MYO5B: variants seen among roughly 807,000 people sequenced by gnomAD.
The protein encoded by MYO5B is myosin VB, also known as unconventional myosin-Vb.
In MYO5B, 143 loss-of-function variants were observed where a neutral mutation model predicts 229.3. The ratio of observed to expected loss-of-function variants is 0.62; its 90% CI spans 0.54 to 0.72. The LOEUF is 0.72. Among genes scored for constraint, MYO5B ranks in the 30% least tolerant of loss-of-function variants. The pLI, the probability that MYO5B is intolerant of heterozygous loss-of-function variation, is 0.00. For synonymous variants in MYO5B, 918 were observed against 885.2 expected, an observed-to-expected ratio of 1.04 and a Z score of -0.66; for missense variants, 2,321 against 2,331.0, an observed-to-expected ratio of 1.00 and a Z score of 0.09.
intron 1 of MYO5B, among the ~76,000 whole-genome samples, chr18:50,159,252 T>C (rs2032727258): frequency 6.6e-6 from 1 of 152,122 alleles, no homozygotes; most frequent in Non-Finnish European, 1.5e-5. Context: ...AAGCAACTGA[T>C]TTACGCCCCC....
chr18:49,965,447 A>T (rs1331593784), intron 10 of MYO5B, among the ~76,000 whole-genome samples: 1 of 103,126 alleles, frequency 9.7e-6, no homozygotes. Flanking sequence ...ATACAAACAC[A>T]CTTCTTTTCA....
chr18:49,832,615 G>A (rs1305804152), intron 39 of MYO5B, among the ~76,000 whole-genome samples: 5 of 152,152 alleles, frequency 3.3e-5, no homozygotes, highest in Non-Finnish European at 5.9e-5. Context: ...ACTGTAAGAT[G>A]GCTCTATAGT....
intron 22 of MYO5B, 77 bp downstream of exon 22, chr18:49,894,864 G>A: frequency 8.0e-7 from 1 of 1,242,716 alleles, no homozygotes; most frequent in South Asian, 1.2e-5. Flanking sequence ...ACTTGAAGCA[G>A]CAGTGCTCTC....
chr18:50,123,740 G>C (rs1322289931), intron 1 of MYO5B, among the ~76,000 whole-genome samples: 1 of 152,034 alleles, frequency 6.6e-6, no homozygotes, highest in African/African-American at 2.4e-5. Context: ...GATGATAAAA[G>C]GTTTTCCACT....
rs1157314928 is a variant in MYO5B, at chr18:50,115,545, GAGACACACACACAC to G, written c.28-60181_28-60168del. Among the ~76,000 whole-genome samples the G allele has an allele frequency of 1.9e-3, 197 of 106,226 alleles. 1 individual carries two copies. Among genetic ancestry groups the G allele is most frequent in the Admixed American group, 5.3e-3 (48 of 9,076 alleles). The allele number at this position is 106,226 out of a possible 152,430, so 69.7% of individuals were successfully genotyped here. A position where few individuals can be genotyped will look rare whatever the true frequency, so the allele number is the denominator to read the frequency against. On this transcript the variant is annotated intron_variant, in intron 1 of 39. Coordinates refer to ENST00000285039, the MANE Select transcript of MYO5B (RefSeq NM_001080467.3). Reference sequence around the variant, plus strand: ...TAAAACACACACACACACACACAGAGAGACACACACACACACACACACACACACACACACACACA... The same window carrying G: ...TAAAACACACACACACACACACAGAGACACACACACACACACACACACACA...
chr18:49,872,907 C>G (rs1302065698), intron 26 of MYO5B, among the ~76,000 whole-genome samples: 1 of 152,134 alleles, frequency 6.6e-6, no homozygotes, highest in Non-Finnish European at 1.5e-5. Context: ...TTCAGCAGCC[C>G]TAGGAAGCTA....
intron 2 of MYO5B, among the ~76,000 whole-genome samples, chr18:50,052,292 C>G (rs1032838112): frequency 6.6e-6 from 1 of 151,398 alleles, no homozygotes; most frequent in Non-Finnish European, 1.5e-5. Flanking sequence ...ATAGCAAAGA[C>G]TTGGAACCAA....
intron 1 of MYO5B, among the ~76,000 whole-genome samples, chr18:50,178,711 G>C (rs1167410842): frequency 6.6e-6 from 1 of 152,192 alleles, no homozygotes; most frequent in Non-Finnish European, 1.5e-5. Flanking sequence ...TCTTTGGCCA[G>C]CATTTAGGCA....
rs756556033 is a variant in MYO5B at position 49,904,660 on chromosome 18, G to A, written c.2571+12C>T. On this transcript the variant is annotated intron_variant, in intron 20 of 39. Transcript: ENST00000285039. The stretch of plus-strand genomic sequence containing the variant: ...AATCTGCAGCCCTGAGGCCCTCAGA[G>A]TGGCTACTCACCTGGCGGTAGGTTC... 6.2e-7 allele frequency: 1 copy of A among 1,613,686 alleles called. No individual in the cohort carries two copies. Among genetic ancestry groups the A allele is most frequent in the Non-Finnish European group, 8.5e-7 (1 of 1,180,036 alleles).
intron 39 of MYO5B, among the ~76,000 whole-genome samples, chr18:49,829,813 TAC>T (rs1320677651): frequency 1.3e-5 from 2 of 152,168 alleles, no homozygotes; most frequent in Non-Finnish European, 2.9e-5. Flanking sequence ...CAATGTAATA[TAC>T]CACATTAACA....
chr18:50,101,548 G>GA (rs534834988), intron 1 of MYO5B, among the ~76,000 whole-genome samples: 1,793 of 149,874 alleles, frequency 0.012, 20 homozygotes, highest in Middle Eastern at 0.02. Flanking sequence ...AAATTTACAA[G>GA]AAAAAAAAAC....
At chr18:49,949,664 A>AG (rs1366406156) in intron 14 of MYO5B, among the ~76,000 whole-genome samples, 7 of 152,186 alleles carry the variant, frequency 4.6e-5, no homozygotes, top group African/African-American at 1.7e-4. Flanking sequence ...GTCACCCAAC[A>AG]GAAAAAAAAA....
intron 27 of MYO5B, among the ~76,000 whole-genome samples, chr18:49,867,602 T>C (rs1042163065): frequency 3.3e-5 from 5 of 152,154 alleles, no homozygotes; most frequent in Admixed American, 1.3e-4. Flanking sequence ...TGGGTGTCTA[T>C]TTCTTAAACG....
At chr18:50,190,813 TAAC>T (rs894682834) in intron 1 of MYO5B, among the ~76,000 whole-genome samples, 10 of 152,240 alleles carry the variant, frequency 6.6e-5, no homozygotes, top group African/African-American at 2.4e-4. Context: ...ATTCCAATAA[TAAC>T]ATCTTCTAAC....
intron 1 of MYO5B, among the ~76,000 whole-genome samples, chr18:50,185,677 AAAC>A (rs2033138478): frequency 1.3e-5 from 2 of 152,266 alleles, no homozygotes; most frequent in South Asian, 4.1e-4. Context: ...TGTCAACAAA[AAAC>A]AAAAGGAAAA....
At chr18:50,013,729 A>C (rs12456317) in intron 4 of MYO5B, among the ~76,000 whole-genome samples, 14,273 of 152,244 alleles carry the variant, frequency 0.094, 726 homozygotes, top group South Asian at 0.11. Flanking sequence ...ATTCTACCCG[A>C]CTTCAAGATC....
intron 21 of MYO5B, among the ~76,000 whole-genome samples, chr18:49,899,805 C>T (rs2024819895): frequency 6.6e-6 from 1 of 152,226 alleles, no homozygotes; most frequent in African/African-American, 2.4e-5. Flanking sequence ...AAGAGCTTAT[C>T]CACTCCTCCC....
chr18:49,955,727 T>C (rs1244998210), intron 12 of MYO5B, among the ~76,000 whole-genome samples: 1 of 152,234 alleles, frequency 6.6e-6, no homozygotes, highest in Non-Finnish European at 1.5e-5. Flanking sequence ...AGGCTATTAA[T>C]TGCACTGGGC....
In MYO5B at chr18:50,004,694, T is replaced by C. The variant is rs896254215; in HGVS notation, c.456-3283A>G. 5.7e-4 allele frequency among the ~76,000 whole-genome samples: 87 copies of C among 152,110 alleles called. 1 individual carries two copies. The highest frequency in any genetic ancestry group is 2.0e-4 in the Admixed American group (3 of 15,266). ...GAGGCAGGAGGATCATGAGAGCCCATGAGTCCAAAGGCTATGATAAGCTCT... is the reference window on the plus strand; with the variant it reads ...GAGGCAGGAGGATCATGAGAGCCCACGAGTCCAAAGGCTATGATAAGCTCT... On this transcript the variant is annotated intron_variant, in intron 4 of 39. Transcript: ENST00000285039.
Sources: gnomAD v4.1 joint callset for allele counts (sites outside exome capture counted in the v4.1 genomes callset) on GRCh38, gnomAD v4.1.1 for gene constraint, MANE v1.5 for transcripts, NCBI Gene and HGNC (gene_info 2026-07-23, HGNC 2026-07-21) for gene names.